Variants in LAMC2 observed in about 807,000 individuals in gnomAD.
LAMC2 encodes laminin subunit gamma-2.
Under a neutral mutation model 140.2 loss-of-function variants are expected in LAMC2, and 97 were observed. The observed-to-expected ratio is 0.69, with a 90% CI of 0.59 to 0.82. LAMC2 has a LOEUF of 0.82. Among genes scored for constraint, LAMC2 ranks in the 40% least tolerant of loss-of-function variants. The pLI is 0.00. For missense variants in LAMC2, 1,402 were observed against 1,476.1 expected (o/e 0.95, Z 0.82); for synonymous variants, 513 against 540.2 (o/e 0.95, Z 0.70).
At position 183,225,719 on chromosome 1, in the gene LAMC2, C is replaced by G. The variant is rs118203899; in HGVS notation, c.1065C>G (p.Tyr355Ter). 1 of 1,578,598 alleles carries G rather than the reference C, an allele frequency of 6.3e-7. No homozygotes were observed. Among genetic ancestry groups the G allele is most frequent in the Non-Finnish European group, 8.7e-7 (1 of 1,147,456 alleles). Reference protein sequence around the residue: ...ALRIRATYGEYSTGYIDNVTL... With the variant: ...ALRIRATYGE ...GCATCCGAGCTACATATGGAGAATACAGTAAGTGGCTACGAGAAATTAATT... is the reference window on the plus strand; with the variant it reads ...GCATCCGAGCTACATATGGAGAATAGAGTAAGTGGCTACGAGAAATTAATT... Residue 355 changes from tyrosine to a stop codon, truncating the protein, a stop_gained and splice_region_variant, in exon 8 of 23, where the codon TAC (tyrosine) becomes TAG (stop). Transcript: ENST00000264144. LOFTEE classifies it high-confidence loss of function.
intron 1 of LAMC2, among the ~76,000 whole-genome samples, chr1:183,200,569 T>C (rs1290594736): frequency 6.6e-6 from 1 of 152,206 alleles, no homozygotes; most frequent in Non-Finnish European, 1.5e-5. Context: ...GGCCTTGTCC[T>C]GCGTACAACC....
intron 8 of LAMC2, 65 bp downstream of exon 8, chr1:183,225,785 T>A: frequency 8.9e-7 from 1 of 1,118,448 alleles, no homozygotes; most frequent in Non-Finnish European, 1.4e-6. Context: ...TTCAGCTCTC[T>A]AAGGTGGCGG....
chr1:183,249,109 G>C (rs1214406204), downstream of LAMC2: 2 of 152,168 alleles, frequency 1.3e-5, no homozygotes, highest in African/African-American at 2.4e-5. Context: ...TTGTTGAAAG[G>C]CTGGCCAAGC....
At chr1:183,219,133 G>A (rs915103017) in intron 4 of LAMC2, among the ~76,000 whole-genome samples, 1 of 152,162 alleles carries the variant, frequency 6.6e-6, no homozygotes, top group Non-Finnish European at 1.5e-5. Flanking sequence ...CCCTCCCAGA[G>A]GCTGTTGAGC....
chr1:183,223,001 C>A, intron 6 of LAMC2, 134 bp from the exon 7 acceptor site: 1 of 756,436 alleles, frequency 1.3e-6, no homozygotes, highest in Non-Finnish European at 2.3e-6. Context: ...CAGGTCCTGA[C>A]TCTCCTAGCA....
In LAMC2 at chr1:183,239,356, C is replaced by T; in HGVS notation, c.2870-8C>T. ...CTTCACGGCAGTTTTTTCTTTTCTTCATTTCAGAGTTTGACCTGCAGGTGG... is the reference window on the plus strand; with the variant it reads ...CTTCACGGCAGTTTTTTCTTTTCTTTATTTCAGAGTTTGACCTGCAGGTGG... On this transcript the variant is annotated splice_region_variant and splice_polypyrimidine_tract_variant and intron_variant, in intron 19 of 22. Coordinates refer to ENST00000264144, the MANE Select transcript of LAMC2 (RefSeq NM_005562.3). The T allele has an allele frequency of 6.2e-7, 1 of 1,613,838 alleles. No individual in the cohort carries two copies. The highest frequency in any genetic ancestry group is 8.5e-7 in the Non-Finnish European group (1 of 1,179,766).
chr1:183,196,725 G>A (rs1658531659), intron 1 of LAMC2, among the ~76,000 whole-genome samples: 1 of 151,546 alleles, frequency 6.6e-6, no homozygotes, highest in Non-Finnish European at 1.5e-5. Flanking sequence ...ATCCAATAAG[G>A]TATATTAAGA....
rs1490791092 is a variant in LAMC2, at chr1:183,239,533, G to A, written c.3039G>A (p.Glu1013=). ...DAQRAKNGAG[E]ALEISSEIEQ... is the part of the protein sequence containing the mutation. ...AGAGGGCAAAGAATGGGGCCGGGGAGGCCCTGGAAATCTCCAGTGAGATTG... is the reference window on the plus strand; with the variant it reads ...AGAGGGCAAAGAATGGGGCCGGGGAAGCCCTGGAAATCTCCAGTGAGATTG... The change falls in exon 20 of 23, where the codon GAG becomes GAA. Residue 1013 remains glutamate (E), a synonymous_variant. Coordinates refer to ENST00000264144, the MANE Select transcript of LAMC2 (RefSeq NM_005562.3). 6.2e-7 allele frequency: 1 copy of A among 1,613,754 alleles called. No homozygotes were observed. The highest frequency in any genetic ancestry group is 1.7e-5 in the Admixed American group (1 of 59,920).
chr1:183,227,811 A>G (rs909424340), intron 10 of LAMC2, 114 bp downstream of exon 10: 2 of 948,362 alleles, frequency 2.1e-6, no homozygotes, highest in Non-Finnish European at 3.3e-6. Flanking sequence ...CTTCGGGTTC[A>G]CCCAAATGTG....
At position 183,228,923 on chromosome 1, in the gene LAMC2, A is replaced by AAGGCAGGG. The variant is rs1371688683; in HGVS notation, c.1714+314_1714+321dup. On this transcript the variant is annotated intron_variant, in intron 11 of 22. Coordinates refer to ENST00000264144, the MANE Select transcript of LAMC2 (RefSeq NM_005562.3). The surrounding 1 kb of genome is among the most constrained non-coding windows in gnomAD (Gnocchi z 4.3). ...GGGGCCACATCCTATGCCCAATCCC[A>AAGGCAGGG]AGGCAGGGAGGCAGGGAAGTGGCTG... is the stretch of plus-strand genomic sequence containing the variant. 1.3e-5 allele frequency among the ~76,000 whole-genome samples: 2 copies of AAGGCAGGG among 152,180 alleles called. No individual in the cohort carries two copies. The highest frequency in any genetic ancestry group is 2.9e-5 in the Non-Finnish European group (2 of 68,032).
intron 1 of LAMC2, among the ~76,000 whole-genome samples, chr1:183,193,791 T>G (rs772122396): frequency 4.7e-5 from 7 of 150,470 alleles, no homozygotes; most frequent in Non-Finnish European, 8.9e-5. Flanking sequence ...AACAGCATAT[T>G]TGTTCAACTG....
rs767652597 is a variant in LAMC2 at position 183,228,667 on chromosome 1, T to TATGC, written c.1714+50_1714+53dup. ...CTGTGTCTGTGCGTGCCTGTGTACG[T>TATGC]ATGCACTTGCTTGCCATCTAAGCAG... On this transcript the variant is annotated intron_variant, in intron 11 of 22. Coordinates refer to ENST00000264144, the MANE Select transcript of LAMC2 (RefSeq NM_005562.3). The surrounding 1 kb of genome is among the most constrained non-coding windows in gnomAD (Gnocchi z 4.3). 6.2e-7 allele frequency: 1 copy of TATGC among 1,610,218 alleles called. No individual in the cohort carries two copies. The highest frequency in any genetic ancestry group is 8.5e-7 in the Non-Finnish European group (1 of 1,178,966).
At chr1:183,207,849 TTG>T in intron 1 of LAMC2, 30 bp from the exon 2 acceptor site, 3 of 1,574,782 alleles carry the variant, frequency 1.9e-6, no homozygotes, top group Admixed American at 1.7e-5. Context: ...TTTTTTTTTT[TTG>T]ACGATCTCTT....
chr1:183,223,308 A>G lies in LAMC2; in HGVS notation c.937A>G (p.Lys313Glu), dbSNP rs372493225. ...LGKTLPCGLT[K>E]TYTFRLNEHP... ...CAAGACACTGCCTTGTGGGCTCACCAAGACTTACACATTCAGGTAAAAAGA... is the reference window on the plus strand; with the variant it reads ...CAAGACACTGCCTTGTGGGCTCACCGAGACTTACACATTCAGGTAAAAAGA... Residue 313 changes from lysine (K) to glutamate (E), a missense_variant, in exon 7 of 23, where the codon AAG (lysine) becomes GAG (glutamate). Physicochemically the swap from Lys to Glu is moderately conservative, Grantham distance 56 (BLOSUM62 1). Coordinates refer to ENST00000264144, the MANE Select transcript of LAMC2 (RefSeq NM_005562.3). 157 of 1,614,080 alleles carry G rather than the reference A, an allele frequency of 9.7e-5. No individual in the cohort carries two copies. The highest frequency in any genetic ancestry group is 1.3e-4 in the Non-Finnish European group (152 of 1,180,030).
At chr1:183,231,176 C>T (rs1659790572) in intron 12 of LAMC2, 73 bp downstream of exon 12, 1 of 1,564,952 alleles carries the variant, frequency 6.4e-7, no homozygotes, top group East Asian at 2.2e-5. Flanking sequence ...GTGGTTCTGT[C>T]ACAGATCTAG....
At chr1:183,249,042 T>A (rs1284107089), downstream of LAMC2, 1 of 152,104 alleles carries the variant, frequency 6.6e-6, no homozygotes, top group Non-Finnish European at 1.5e-5. Flanking sequence ...TCTACTTAAT[T>A]TGAACAGCAA....
intron 1 of LAMC2, among the ~76,000 whole-genome samples, chr1:183,195,276 A>C (rs147003988): frequency 0.013 from 2,041 of 152,072 alleles, 16 homozygotes; most frequent in Non-Finnish European, 0.022. Flanking sequence ...TACAGTTCAC[A>C]CGGGTACATT....
chr1:183,232,637 C>T lies in LAMC2; in HGVS notation c.2015-15C>T. 3 of 1,610,242 alleles carry T rather than the reference C, an allele frequency of 1.9e-6. No homozygotes were observed. In the South Asian group the frequency reaches 3.3e-5, roughly 18 times the overall value. On this transcript the variant is annotated splice_polypyrimidine_tract_variant and intron_variant, in intron 13 of 22. Transcript: ENST00000264144. ...CCAGAAAGTGCTCATGCTCCCTTTC[C>T]TTCTTTGCGTTCAGGTGCTAGCAGA...
At chr1:183,235,368 C>A (rs1659921282) in intron 15 of LAMC2, among the ~76,000 whole-genome samples, 1 of 152,206 alleles carries the variant, frequency 6.6e-6, no homozygotes, top group African/African-American at 2.4e-5. Context: ...CGGAAAAGAT[C>A]ACTACAAGGT....
Sources: allele counts gnomAD v4.1 joint callset (sites outside exome capture counted in the v4.1 genomes callset), GRCh38; gene constraint gnomAD v4.1.1; non-coding constraint Gnocchi (gnomAD v3.1); transcripts MANE v1.5; gene names NCBI Gene and HGNC (gene_info 2026-07-23, HGNC 2026-07-21).